Variants in DIPK1A observed in about 807,000 individuals in gnomAD.
The protein encoded by DIPK1A is family with sequence similarity 69 member A.
DIPK1A carries 27 observed loss-of-function variants against 40.8 expected under a neutral mutation model. The ratio of observed to expected loss-of-function variants is 0.66; its 90% CI spans 0.49 to 0.91. DIPK1A has a LOEUF of 0.91. Ranked by LOEUF, DIPK1A falls within the 40% of genes least tolerant of loss-of-function variation. The pLI is 0.00. For missense variants in DIPK1A, 412 were observed against 505.7 expected, an observed-to-expected ratio of 0.81 and a Z score of 1.78; for synonymous variants, 166 against 171.3, an observed-to-expected ratio of 0.97 and a Z score of 0.24.
intron 2 of DIPK1A, among the ~76,000 whole-genome samples, chr1:92,868,940 T>G (rs1209811573): frequency 6.8e-6 from 1 of 146,928 alleles, no homozygotes; most frequent in African/African-American, 2.5e-5. Context: ...CACTCCAGCC[T>G]GTGTGACAGA....
intron 2 of DIPK1A, among the ~76,000 whole-genome samples, chr1:92,862,986 T>C (rs923092389): frequency 6.6e-6 from 1 of 152,226 alleles, no homozygotes; most frequent in Admixed American, 6.5e-5. Context: ...ACACTTATGC[T>C]GAAAAATTAT....
chr1:92,904,690 T>C (rs1254903313), intron 1 of DIPK1A, among the ~76,000 whole-genome samples: 4 of 152,122 alleles, frequency 2.6e-5, no homozygotes, highest in African/African-American at 7.2e-5. Flanking sequence ...TTTAGTTATT[T>C]TTAAATGTAC....
chr1:92,875,713 CAAA>C (rs748661421), intron 2 of DIPK1A, among the ~76,000 whole-genome samples: 3 of 54,414 alleles, frequency 5.5e-5, no homozygotes, highest in Admixed American at 2.1e-4. Flanking sequence ...GACTTCGTCT[CAAA>C]AAAAAAAAAA....
At chr1:92,960,443 C>T (rs999194642) in intron 1 of DIPK1A, among the ~76,000 whole-genome samples, 1 of 152,184 alleles carries the variant, frequency 6.6e-6, no homozygotes, top group African/African-American at 2.4e-5. Context: ...TTGGCTAACA[C>T]TGCTGACCCA....
intron 2 of DIPK1A, among the ~76,000 whole-genome samples, chr1:92,852,182 A>G (rs193226850): frequency 1.3e-5 from 2 of 152,198 alleles, no homozygotes; most frequent in Non-Finnish European, 2.9e-5. Flanking sequence ...AGAATGGAAT[A>G]GGAAAAGCAA....
chr1:92,958,906 A>C (rs902333051), intron 1 of DIPK1A, among the ~76,000 whole-genome samples: 1 of 152,224 alleles, frequency 6.6e-6, no homozygotes, highest in African/African-American at 2.4e-5. Context: ...TGGTATTATG[A>C]TTATGTCTGA....
At chr1:92,908,847 G>C (rs986912495) in intron 1 of DIPK1A, among the ~76,000 whole-genome samples, 1 of 152,182 alleles carries the variant, frequency 6.6e-6, no homozygotes, top group African/African-American at 2.4e-5. Flanking sequence ...GCTGTCCCTA[G>C]AGCAGAAGGA....
intron 3 of DIPK1A, among the ~76,000 whole-genome samples, chr1:92,848,417 T>C (rs75624058): frequency 6.6e-6 from 1 of 152,130 alleles, no homozygotes. Context: ...GCTACACTGG[T>C]CTTTCTGTGA....
At chr1:92,936,625 G>A (rs1444947545) in intron 1 of DIPK1A, among the ~76,000 whole-genome samples, 7 of 146,718 alleles carry the variant, frequency 4.8e-5, no homozygotes, top group East Asian at 4.0e-4. Context: ...GCGAAACTCC[G>A]TCTCAAAAAA....
intron 3 of DIPK1A, among the ~76,000 whole-genome samples, chr1:92,849,938 G>C (rs907252184): frequency 7.9e-5 from 12 of 151,988 alleles, no homozygotes; most frequent in Non-Finnish European, 1.5e-4. Context: ...TTACAGGCCC[G>C]TGCCACGGGC....
intron 1 of DIPK1A, among the ~76,000 whole-genome samples, chr1:92,923,025 T>C (rs1413349546): frequency 6.6e-6 from 1 of 152,222 alleles, no homozygotes; most frequent in East Asian, 1.9e-4. Context: ...TTTAACACTG[T>C]CTTCAGTTTA....
intron 1 of DIPK1A, among the ~76,000 whole-genome samples, chr1:92,903,517 G>C (rs1173986689): frequency 6.6e-6 from 1 of 152,172 alleles, no homozygotes; most frequent in Non-Finnish European, 1.5e-5. Flanking sequence ...TCTGGTAAAA[G>C]TCCAGTTATA....
chr1:92,853,802 G>T (rs909668921), intron 2 of DIPK1A, among the ~76,000 whole-genome samples: 1 of 152,334 alleles, frequency 6.6e-6, no homozygotes, highest in African/African-American at 2.4e-5. Context: ...ACAAAGAGAT[G>T]AATGGAGAAA....
intron 2 of DIPK1A, among the ~76,000 whole-genome samples, chr1:92,851,227 G>C (rs531583426): frequency 6.6e-6 from 1 of 152,120 alleles, no homozygotes; most frequent in Admixed American, 6.5e-5. Flanking sequence ...TCCAAGAATA[G>C]AGGCACTCTA....
At chr1:92,944,738 T>G (rs1283767253) in intron 1 of DIPK1A, among the ~76,000 whole-genome samples, 1 of 152,188 alleles carries the variant, frequency 6.6e-6, no homozygotes. Context: ...GTTCACGGGA[T>G]TCTTCCACCT....
intron 3 of DIPK1A, among the ~76,000 whole-genome samples, chr1:92,849,702 G>A (rs1205391546): frequency 1.3e-5 from 2 of 151,982 alleles, no homozygotes; most frequent in Admixed American, 1.3e-4. Context: ...TTAGTAGAGA[G>A]GGGGTATCGC....
At chr1:92,935,637 A>G (rs7542608) in intron 1 of DIPK1A, among the ~76,000 whole-genome samples, 53,075 of 151,912 alleles carry the variant, frequency 0.35, 9,719 homozygotes, top group African/African-American at 0.38. Flanking sequence ...AATCAGGGTC[A>G]CTGAAATTAG....
chr1:92,846,807 A>ATATATATATATGTGTG (rs1687620047), intron 4 of DIPK1A, among the ~76,000 whole-genome samples: 1 of 2,588 alleles, frequency 3.9e-4, no homozygotes, highest in East Asian at 0.17. Context: ...ATATATATAT[A>ATATATATATATGTGTG]TATATATATA....
In DIPK1A at chr1:92,884,767, G is replaced by A. The variant is rs145469022; in HGVS notation, c.55-8337C>T. ...TTTACCTAAACTTGGAGATGAGAAT[G>A]CATGGTCCTTTTATACTTCAGATTC... On this transcript the variant is annotated intron_variant, in intron 1 of 4. Transcript: ENST00000370310. Among the ~76,000 whole-genome samples, 18 of 152,246 alleles carry A rather than the reference G, an allele frequency of 1.2e-4. No homozygotes were observed. In the East Asian group the frequency reaches 2.9e-3, roughly 24 times the overall value.
Sources: gnomAD v4.1 joint callset for allele counts (sites outside exome capture counted in the v4.1 genomes callset) on GRCh38, gnomAD v4.1.1 for gene constraint, MANE v1.5 for transcripts, NCBI Gene and HGNC (gene_info 2026-07-23, HGNC 2026-07-21) for gene names.